B3GALT1: variants seen among roughly 807,000 people sequenced by gnomAD.
B3GALT1 encodes the protein UDP-Gal:betaGlcNAc beta 1,3-galactosyltransferase, polypeptide 1.
A neutral mutation model predicts 23.2 loss-of-function variants in B3GALT1; 10 were observed. The observed-to-expected ratio is 0.43, with a 90% CI of 0.27 to 0.73. The LOEUF (loss-of-function observed/expected upper bound fraction) is 0.73. B3GALT1 is among the 30% of genes least tolerant of loss of function. B3GALT1 has a pLI of 0.21. For synonymous variants in B3GALT1, 156 were observed against 141.5 expected, an observed-to-expected ratio of 1.10 and a Z score of -0.73; for missense variants, 299 against 405.4, an observed-to-expected ratio of 0.74 and a Z score of 2.25.
At chr2:167,352,277 TTTG>T (rs1559072817) in intron 1 of B3GALT1, among the ~76,000 whole-genome samples, 1 of 4,302 alleles carries the variant, frequency 2.3e-4, no homozygotes, top group African/African-American at 4.8e-4. Context: ...TGTTTTTTTT[TTTG>T]TTTTTTTTTT....
intron 3 of B3GALT1, among the ~76,000 whole-genome samples, chr2:167,695,793 A>G (rs192603734): frequency 2.6e-5 from 4 of 152,260 alleles, no homozygotes; most frequent in Admixed American, 6.5e-5. Context: ...CTACCAGCCC[A>G]TGGTGTTAGA....
intron 2 of B3GALT1, among the ~76,000 whole-genome samples, chr2:167,516,920 C>T (rs1035597851): frequency 2.7e-5 from 4 of 149,532 alleles, no homozygotes; most frequent in African/African-American, 7.5e-5. Context: ...AGGTTGCCTG[C>T]TCATATGACA....
At chr2:167,699,480 C>A (rs560689612) in intron 3 of B3GALT1, among the ~76,000 whole-genome samples, 1 of 138,222 alleles carries the variant, frequency 7.2e-6, no homozygotes, top group South Asian at 2.3e-4. Context: ...GGGTAAATGA[C>A]ATTTTTGGTG....
intron 1 of B3GALT1, among the ~76,000 whole-genome samples, chr2:167,301,725 T>C (rs1292406757): frequency 6.6e-6 from 1 of 152,060 alleles, no homozygotes; most frequent in African/African-American, 2.4e-5. Context: ...TAATTTTTTA[T>C]TTTTTAGTAG....
At chr2:167,644,762 A>G (rs1685714898) in intron 2 of B3GALT1, among the ~76,000 whole-genome samples, 1 of 141,242 alleles carries the variant, frequency 7.1e-6, no homozygotes, top group Admixed American at 7.3e-5. Flanking sequence ...CCTGGGTGAC[A>G]GAGTGAGACT....
intron 4 of B3GALT1, among the ~76,000 whole-genome samples, chr2:167,862,558 T>C (rs891843786): frequency 6.6e-6 from 1 of 152,140 alleles, no homozygotes; most frequent in African/African-American, 2.4e-5. Flanking sequence ...CCAGAAGTAA[T>C]GTTTCAGCAG....
chr2:167,667,302 G>T (rs1485206345), intron 3 of B3GALT1, among the ~76,000 whole-genome samples: 1 of 152,228 alleles, frequency 6.6e-6, no homozygotes, highest in Non-Finnish European at 1.5e-5. Context: ...GGCTCGTAGA[G>T]TTTCTGCTGA....
At chr2:167,559,350 T>C (rs1683921361) in intron 2 of B3GALT1, among the ~76,000 whole-genome samples, 1 of 151,756 alleles carries the variant, frequency 6.6e-6, no homozygotes, top group Non-Finnish European at 1.5e-5. Flanking sequence ...ACCACAAAGA[T>C]GGGGAAAAAA....
At chr2:167,828,015 A>G (rs1558993330) in intron 4 of B3GALT1, among the ~76,000 whole-genome samples, 1 of 152,310 alleles carries the variant, frequency 6.6e-6, no homozygotes, top group South Asian at 2.1e-4. Flanking sequence ...AAGAACACAC[A>G]GAATTAAGTA....
chr2:167,448,950 T>C (rs999576449), intron 1 of B3GALT1, among the ~76,000 whole-genome samples: 18 of 152,146 alleles, frequency 1.2e-4, no homozygotes, highest in Admixed American at 7.9e-4. Context: ...TCCATTTTAT[T>C]GGTTTGTATG....
chr2:167,837,429 A>T (rs926992853), intron 4 of B3GALT1, among the ~76,000 whole-genome samples: 2 of 151,810 alleles, frequency 1.3e-5, no homozygotes, highest in Non-Finnish European at 2.9e-5. Context: ...AGAGACAAAG[A>T]AGGCCATTAC....
intron 4 of B3GALT1, among the ~76,000 whole-genome samples, chr2:167,835,470 A>C (rs1323350545): frequency 6.6e-6 from 1 of 152,206 alleles, no homozygotes. Context: ...AGTGGCAGCG[A>C]GGCTGGGGGA....
chr2:167,633,780 G>A (rs1193667836), intron 2 of B3GALT1, among the ~76,000 whole-genome samples: 1 of 152,122 alleles, frequency 6.6e-6, no homozygotes, highest in Non-Finnish European at 1.5e-5. Context: ...ATATTAGACA[G>A]AACGACAAGA....
intron 1 of B3GALT1, among the ~76,000 whole-genome samples, chr2:167,354,415 C>T (rs1697366884): frequency 6.8e-6 from 1 of 147,818 alleles, no homozygotes; most frequent in Non-Finnish European, 1.5e-5. Flanking sequence ...GGTGCGATCT[C>T]GGCTCACTGC....
At chr2:167,504,706 T>C (rs1043547663) in intron 2 of B3GALT1, among the ~76,000 whole-genome samples, 2 of 152,216 alleles carry the variant, frequency 1.3e-5, no homozygotes, top group Non-Finnish European at 2.9e-5. Context: ...GATTATATTT[T>C]TACTGTACCT....
chr2:167,731,098 AAACCAT>A (rs1163989647), intron 3 of B3GALT1, among the ~76,000 whole-genome samples: 2 of 152,200 alleles, frequency 1.3e-5, no homozygotes, highest in African/African-American at 4.8e-5. Flanking sequence ...CCTAACCACT[AAACCAT>A]AAGGATTTAG....
intron 4 of B3GALT1, among the ~76,000 whole-genome samples, chr2:167,835,043 G>A (rs1689429283): frequency 6.6e-6 from 1 of 151,922 alleles, no homozygotes; most frequent in Non-Finnish European, 1.5e-5. Context: ...GCCTTTTTGA[G>A]GGGAGGAGCC....
At chr2:167,682,674 C>T (rs150555097) in intron 3 of B3GALT1, among the ~76,000 whole-genome samples, 85 of 152,330 alleles carry the variant, frequency 5.6e-4, no homozygotes, top group Non-Finnish European at 9.8e-4. Context: ...GGGGTGCCCT[C>T]TGTCCTAGTG....
At chr2:167,804,540 A>C in intron 3 of B3GALT1, among the ~76,000 whole-genome samples, 2 of 141,678 alleles carry the variant, frequency 1.4e-5, no homozygotes, top group African/African-American at 2.7e-5. Context: ...ATGTGTTCTC[A>C]TTGTTCAATT....
Sources: allele counts gnomAD v4.1 joint callset (sites outside exome capture counted in the v4.1 genomes callset), GRCh38; gene constraint gnomAD v4.1.1; transcripts MANE v1.5; gene names NCBI Gene and HGNC (gene_info 2026-07-23, HGNC 2026-07-21).